Variants in GALNTL6 observed in about 807,000 individuals in gnomAD.
GALNTL6 encodes the protein polypeptide N-acetylgalactosaminyltransferase-like 6.
A neutral mutation model predicts 73.7 loss-of-function variants in GALNTL6; 46 were observed. The ratio of observed to expected loss-of-function variants is 0.62; its 90% CI spans 0.49 to 0.80. The LOEUF (loss-of-function observed/expected upper bound fraction) is 0.80, where lower values mean the gene tolerates loss of function less well. Among genes scored for constraint, GALNTL6 ranks in the 30% least tolerant of loss-of-function variants. GALNTL6 has a pLI of 0.00. For synonymous variants in GALNTL6, 259 were observed against 263.7 expected (o/e 0.98, Z 0.17); for missense variants, 604 against 755.0 (o/e 0.80, Z 2.34).
chr4:171,891,286 T>G (rs528646299), intron 2 of GALNTL6, among the ~76,000 whole-genome samples: 1 of 152,314 alleles, frequency 6.6e-6, no homozygotes, highest in East Asian at 1.9e-4. Context: ...ATATCTAGGG[T>G]AACCAAGGCA....
intron 10 of GALNTL6, among the ~76,000 whole-genome samples, chr4:172,980,771 C>T (rs1751029956): frequency 1.3e-5 from 2 of 152,138 alleles, no homozygotes; most frequent in Admixed American, 6.5e-5. Flanking sequence ...CTTACATTGA[C>T]GGTTAGGGCT....
chr4:172,362,397 A>C (rs1238622259), intron 5 of GALNTL6, among the ~76,000 whole-genome samples: 1 of 152,106 alleles, frequency 6.6e-6, no homozygotes, highest in Non-Finnish European at 1.5e-5. Flanking sequence ...TAATTTATTT[A>C]ATGTAATAAT....
chr4:171,887,916 A>G (rs1736649120), intron 2 of GALNTL6, among the ~76,000 whole-genome samples: 1 of 152,208 alleles, frequency 6.6e-6, no homozygotes, highest in African/African-American at 2.4e-5. Context: ...AAATAAGGTC[A>G]TAGTATACCT....
At chr4:172,206,775 G>GTTTTTTTTTTTTTTTTTTTTTTTT (rs1214874685) in intron 2 of GALNTL6, among the ~76,000 whole-genome samples, 1 of 79,788 alleles carries the variant, frequency 1.3e-5, no homozygotes, top group Non-Finnish European at 2.8e-5. Flanking sequence ...GATGAAACGT[G>GTTTTTTTTTTTTTTTTTTTTTTTT]TTTTTTGTTT....
chr4:172,983,031 A>G lies in GALNTL6; in HGVS notation c.1372-26147A>G, dbSNP rs547114402. On this transcript the variant is annotated intron_variant, in intron 10 of 12. Transcript: ENST00000506823. ...GATGATGAGAAATTAGTTAATGGGT[A>G]TAATGTACTTCATCTGGGCAATGGA... Among the ~76,000 whole-genome samples the G allele has an allele frequency of 2.6e-5, 4 of 152,314 alleles. No individual in the cohort carries two copies. The South Asian group carries it at 8.3e-4, about 32-fold the overall frequency.
At chr4:172,524,459 C>G (rs867386350) in intron 5 of GALNTL6, among the ~76,000 whole-genome samples, 1 of 152,024 alleles carries the variant, frequency 6.6e-6, no homozygotes, top group Middle Eastern at 3.2e-3. Context: ...CCATATTGGC[C>G]AGGCTGGAAG....
chr4:172,362,567 C>G (rs1191444078), intron 5 of GALNTL6, among the ~76,000 whole-genome samples: 21 of 151,970 alleles, frequency 1.4e-4, no homozygotes, highest in Non-Finnish European at 3.1e-4. Context: ...TCATTACTCA[C>G]AACTCATAAT....
intron 5 of GALNTL6, among the ~76,000 whole-genome samples, chr4:172,384,619 C>A (rs983573581): frequency 6.7e-6 from 1 of 150,360 alleles, no homozygotes; most frequent in Non-Finnish European, 1.5e-5. Context: ...ACTATTATTA[C>A]CTTCTTTCTC....
At chr4:171,941,954 A>G (rs1196595039) in intron 2 of GALNTL6, among the ~76,000 whole-genome samples, 1 of 152,218 alleles carries the variant, frequency 6.6e-6, no homozygotes, top group Admixed American at 6.5e-5. Flanking sequence ...TATCCAGCAT[A>G]TAACACCTGT....
chr4:173,022,105 AGG>A (rs1457635271), intron 12 of GALNTL6, among the ~76,000 whole-genome samples: 106 of 145,672 alleles, frequency 7.3e-4, no homozygotes, highest in Non-Finnish European at 9.4e-4. Context: ...GAAGGAAGGA[AGG>A]AAAGAAGGAA....
chr4:172,197,002 T>C (rs927444859), intron 2 of GALNTL6, among the ~76,000 whole-genome samples: 1 of 152,178 alleles, frequency 6.6e-6, no homozygotes, highest in African/African-American at 2.4e-5. Context: ...GCAAATTGTC[T>C]TTGTTTGCAT....
intron 5 of GALNTL6, among the ~76,000 whole-genome samples, chr4:172,604,700 A>G (rs1738193335): frequency 1.3e-5 from 2 of 152,108 alleles, no homozygotes; most frequent in Non-Finnish European, 2.9e-5. Context: ...CCTAGGTAAC[A>G]TTTTCCTTAT....
At position 172,351,060 on chromosome 4, in the gene GALNTL6, C is replaced by T. The variant is rs947656992; in HGVS notation, c.553+2371C>T. The stretch of plus-strand genomic sequence containing the variant: ...AGTGAATTGTGTGCTCATGGGAGAG[C>T]GATTGCTCTCAGCTATTGATTTCTA... On this transcript the variant is annotated intron_variant, in intron 5 of 12. Transcript: ENST00000506823. Among the ~76,000 whole-genome samples the T allele has an allele frequency of 2.0e-5, 3 of 152,050 alleles. No individual in the cohort carries two copies. In the East Asian group the frequency reaches 5.8e-4, roughly 29 times the overall value.
intron 2 of GALNTL6, among the ~76,000 whole-genome samples, chr4:172,118,401 A>G (rs1336061952): frequency 6.6e-6 from 1 of 152,144 alleles, no homozygotes; most frequent in Non-Finnish European, 1.5e-5. Flanking sequence ...AGATAAAACT[A>G]GCTCTAAGAA....
intron 10 of GALNTL6, among the ~76,000 whole-genome samples, chr4:172,965,592 A>T (rs1579718949): frequency 6.6e-6 from 1 of 151,594 alleles, no homozygotes; most frequent in East Asian, 1.9e-4. Flanking sequence ...AAAAAAATAA[A>T]TAAAATAAAA....
Position 172,491,915 on chromosome 4 carries a change from A to G in GALNTL6, c.553+143226A>G, listed in dbSNP as rs1268384322. On this transcript the variant is annotated intron_variant, in intron 5 of 12. Transcript: ENST00000506823. The stretch of plus-strand genomic sequence containing the variant: ...TATCTAAGCATTTTAATGTTAGAGC[A>G]TTCTTACACAAATGTGAGGAAGCAG... Among the ~76,000 whole-genome samples the G allele has an allele frequency of 4.6e-5, 7 of 152,188 alleles. No individual in the cohort carries two copies. The South Asian group carries it at 1.4e-3, about 31-fold the overall frequency.
rs186511719 is a variant in GALNTL6, at chr4:172,506,044, C to T, written c.553+157355C>T. On this transcript the variant is annotated intron_variant, in intron 5 of 12. Coordinates refer to ENST00000506823, the MANE Select transcript of GALNTL6 (RefSeq NM_001034845.3). ...ATTATCATTAGGTCAGCATACTCTCCGGCATGCTTCCTCACAGTCATTTGG... is the reference window on the plus strand; with the variant it reads ...ATTATCATTAGGTCAGCATACTCTCTGGCATGCTTCCTCACAGTCATTTGG... 3.0e-3 allele frequency among the ~76,000 whole-genome samples: 163 copies of T among 54,054 alleles called. 66 individuals are homozygous for T. Among genetic ancestry groups the T allele is most frequent in the Non-Finnish European group, 6.5e-3 (152 of 23,476 alleles). 35.5% of individuals were successfully genotyped at this position (54,054 alleles called of 152,430 possible). A position where few individuals can be genotyped will look rare whatever the true frequency, so the allele number is the denominator to read the frequency against.
At chr4:172,818,050 C>A (rs1741709849) in intron 7 of GALNTL6, among the ~76,000 whole-genome samples, 1 of 152,158 alleles carries the variant, frequency 6.6e-6, no homozygotes, top group African/African-American at 2.4e-5. Flanking sequence ...AGTTCTATCA[C>A]CATGTTTTCC....
rs780498869 is a variant in GALNTL6, at chr4:172,348,512, C to A, written c.387-11C>A. 1 of 1,603,472 alleles carries A rather than the reference C, an allele frequency of 6.2e-7. No individual in the cohort carries two copies. The highest frequency in any genetic ancestry group is 8.5e-7 in the Non-Finnish European group (1 of 1,173,876). On this transcript the variant is annotated splice_polypyrimidine_tract_variant and intron_variant, in intron 4 of 12. Transcript: ENST00000506823. ...TATTTGACACACCATTTTCTTTTCC[C>A]TCATCTCCAGCTGTAAGCATAAGAT...
Sources: gnomAD v4.1 joint callset for allele counts (sites outside exome capture counted in the v4.1 genomes callset) on GRCh38, gnomAD v4.1.1 for gene constraint, MANE v1.5 for transcripts, NCBI Gene and HGNC (gene_info 2026-07-23, HGNC 2026-07-21) for gene names.